Variants in CRB1 observed in about 807,000 individuals in gnomAD.
CRB1 encodes the protein crumbs cell polarity complex component 1, also known as protein crumbs homolog 1.
CRB1 carries 83 observed loss-of-function variants against 120.0 expected under a neutral mutation model. The ratio of observed to expected loss-of-function variants is 0.69; its 90% confidence interval spans 0.58 to 0.83. The LOEUF (loss-of-function observed/expected upper bound fraction) is 0.83, where lower values mean the gene tolerates loss of function less well. CRB1 is among the 40% of genes least tolerant of loss of function. CRB1 has a pLI of 0.00. For synonymous variants in CRB1, 625 were observed against 612.5 expected, an observed-to-expected ratio of 1.02 and a Z score of -0.30; for missense variants, 1,699 against 1,687.6, an observed-to-expected ratio of 1.01 and a Z score of -0.12.
At chr1:197,414,084 C>T (rs1663849462) in intron 5 of CRB1, 2 of 284,884 alleles carry the variant, frequency 7.0e-6, no homozygotes, top group Non-Finnish European at 1.5e-5. Flanking sequence ...TTGTTTAATG[C>T]TATAACAGAT....
At chr1:197,341,735 C>G (rs1291983396) in intron 2 of CRB1, among the ~76,000 whole-genome samples, 2 of 152,114 alleles carry the variant, frequency 1.3e-5, no homozygotes, top group Non-Finnish European at 2.9e-5. Flanking sequence ...CACCTTTAAT[C>G]CCATGGCTTT....
At chr1:197,370,250 C>T (rs937420244) in intron 5 of CRB1, among the ~76,000 whole-genome samples, 57 of 151,228 alleles carry the variant, frequency 3.8e-4, no homozygotes, top group African/African-American at 1.2e-3. Flanking sequence ...GAAAAAAAAC[C>T]GCAAGGTATT....
intron 5 of CRB1, among the ~76,000 whole-genome samples, chr1:197,367,007 A>G (rs1661114316): frequency 6.6e-6 from 1 of 152,216 alleles, no homozygotes; most frequent in South Asian, 2.1e-4. Flanking sequence ...AGAATGGGAC[A>G]TTGCCACTTG....
intron 11 of CRB1, among the ~76,000 whole-genome samples, chr1:197,471,994 T>C (rs1397690163): frequency 6.6e-6 from 1 of 152,234 alleles, no homozygotes; most frequent in Non-Finnish European, 1.5e-5. Flanking sequence ...TATATGTAGA[T>C]GGAAGATAAA....
At chr1:197,256,932 CGTGTGTGTGT>C in the CRB1 span, among the ~76,000 whole-genome samples, 73 of 141,490 alleles carry the variant, frequency 5.2e-4, 1 homozygote, top group South Asian at 2.1e-3. Flanking sequence ...ATAGGATTTG[CGTGTGTGTGT>C]GTGTGTGTGT....
intron 7 of CRB1, chr1:197,428,938 G>A (rs1272781126): frequency 1.3e-6 from 2 of 1,515,044 alleles, no homozygotes; most frequent in South Asian, 2.5e-5. Context: ...GCAACCTTGT[G>A]AGAACTCAAA....
At chr1:197,405,124 G>C (rs570590310) in intron 5 of CRB1, among the ~76,000 whole-genome samples, 6 of 151,734 alleles carry the variant, frequency 4.0e-5, no homozygotes, top group African/African-American at 7.3e-5. Flanking sequence ...CTCTGATGCC[G>C]AGCCGAAGCT....
chr1:197,245,302 A>G, the CRB1 span, among the ~76,000 whole-genome samples: 1 of 152,002 alleles, frequency 6.6e-6, no homozygotes, highest in African/African-American at 2.4e-5. Context: ...GAATGTTTGT[A>G]ATTACTCATA....
Position 197,268,470 on chromosome 1 carries a change from A to G in CRB1, c.58A>G (p.Ile20Val). 1 of 1,611,804 alleles carries G rather than the reference A, an allele frequency of 6.2e-7. No individual in the cohort carries two copies. The highest frequency in any genetic ancestry group is 8.5e-7 in the Non-Finnish European group (1 of 1,177,876). ...CTTCTACCTCAGTTTCTCACTGCTTATCTACATAAAAAGTAAGCCTTTCCC... is the reference window on the plus strand; with the variant it reads ...CTTCTACCTCAGTTTCTCACTGCTTGTCTACATAAAAAGTAAGCCTTTCCC... ...LIFYLSFSLL[I>V]YIKNSFCNKN... The change falls in exon 1 of 12, where the codon ATC (isoleucine) becomes GTC (valine). Residue 20 changes from isoleucine (I) to valine (V), a missense_variant. Transcript: ENST00000367400.
At chr1:197,224,353 A>G in the CRB1 span, among the ~76,000 whole-genome samples, 2 of 152,184 alleles carry the variant, frequency 1.3e-5, no homozygotes, top group African/African-American at 2.4e-5. Context: ...TACAGCTGCA[A>G]TGCAGAAACA....
intron 5 of CRB1, among the ~76,000 whole-genome samples, chr1:197,419,355 A>T (rs1664166279): frequency 8.4e-6 from 1 of 119,228 alleles, no homozygotes; most frequent in Admixed American, 1.1e-4. Flanking sequence ...TGTGTGTCAG[A>T]TTGGATTCTT....
intron 11 of CRB1, among the ~76,000 whole-genome samples, chr1:197,474,177 T>C (rs947304551): frequency 3.3e-5 from 5 of 152,348 alleles, no homozygotes; most frequent in Non-Finnish European, 5.9e-5. Context: ...CTATAGGCTG[T>C]GCTTTTTGTA....
intron 5 of CRB1, among the ~76,000 whole-genome samples, chr1:197,374,379 G>T (rs1661534233): frequency 6.6e-6 from 1 of 152,112 alleles, no homozygotes; most frequent in Admixed American, 6.5e-5. Context: ...TGCCAGAGCT[G>T]CTTCCTATCC....
intron 5 of CRB1, among the ~76,000 whole-genome samples, chr1:197,373,315 T>C (rs572665570): frequency 6.6e-6 from 1 of 152,300 alleles, no homozygotes; most frequent in Non-Finnish European, 1.5e-5. Context: ...TCATTGTCTT[T>C]ATGATCTAAG....
chr1:197,239,152 A>G, the CRB1 span, among the ~76,000 whole-genome samples: 4 of 152,082 alleles, frequency 2.6e-5, no homozygotes, highest in Admixed American at 6.6e-5. Context: ...CTATCCGGGT[A>G]TATCTTCCAT....
chr1:197,450,722 C>A (rs1454965760), intron 11 of CRB1, among the ~76,000 whole-genome samples: 5 of 141,322 alleles, frequency 3.5e-5, no homozygotes, highest in Non-Finnish European at 7.5e-5. Flanking sequence ...GGGCGGATCA[C>A]GAGGTCAAGA....
chr1:197,348,767 CG>C, intron 4 of CRB1, among the ~76,000 whole-genome samples: 1 of 152,132 alleles, frequency 6.6e-6, no homozygotes, highest in Non-Finnish European at 1.5e-5. Flanking sequence ...TAAGCCACTG[CG>C]CCTGGCCCAT....
intron 5 of CRB1, among the ~76,000 whole-genome samples, chr1:197,401,812 A>G (rs372734348): frequency 6.6e-6 from 1 of 152,132 alleles, no homozygotes; most frequent in Admixed American, 6.5e-5. Flanking sequence ...TGTTATCTAC[A>G]AATTTGAATG....
chr1:197,447,190 C>T (rs1665741661), intron 11 of CRB1, among the ~76,000 whole-genome samples: 1 of 152,108 alleles, frequency 6.6e-6, no homozygotes, highest in South Asian at 2.1e-4. Flanking sequence ...CTGAGCTGAA[C>T]CAGGGAGGGA....
Sources: allele counts gnomAD v4.1 joint callset (sites outside exome capture counted in the v4.1 genomes callset), GRCh38; gene constraint gnomAD v4.1.1; transcripts MANE v1.5; gene names NCBI Gene and HGNC (gene_info 2026-07-23, HGNC 2026-07-21).